SULT1B1: variants seen among roughly 807,000 people sequenced by gnomAD.
The protein encoded by SULT1B1 is sulfotransferase family 1B member 1.
A neutral mutation model predicts 34.6 loss-of-function variants in SULT1B1; 28 were observed. The ratio of observed to expected loss-of-function variants is 0.81; its 90% CI spans 0.60 to 1.11. The LOEUF (loss-of-function observed/expected upper bound fraction) is 1.11, where lower values mean the gene tolerates loss of function less well. SULT1B1 is among the 50% of genes least tolerant of loss of function. SULT1B1 has a pLI of 0.00. For synonymous variants in SULT1B1, 147 were observed against 110.2 expected (o/e 1.33, Z -2.09); for missense variants, 374 against 352.2 (o/e 1.06, Z -0.50).
In SULT1B1 at chr4:69,726,075, TATATATAA is replaced by T. The variant is rs1243753535; in HGVS notation, c.*1005_*1012del. 1.2e-4 allele frequency: 13 copies of T among 110,130 alleles called. No homozygotes were observed. The highest frequency in any genetic ancestry group is 4.4e-4 in the African/African-American group (12 of 26,998). The allele number at this position is 110,130 out of a possible 1,614,324, so 6.8% of individuals were successfully genotyped here. On this transcript the variant is annotated 3_prime_UTR_variant, in exon 8 of 8. Coordinates refer to ENST00000310613, the MANE Select transcript of SULT1B1 (RefSeq NM_014465.4). Reference sequence around the variant, plus strand: ...ATATATATATATATATATATATATATATATATAAATGTTCCAAGAAAACATAGATCAGA... The same window carrying T: ...ATATATATATATATATATATATATATATGTTCCAAGAAAACATAGATCAGA...
At chr4:69,741,947 C>A (rs930324913) in intron 4 of SULT1B1, among the ~76,000 whole-genome samples, 1 of 152,082 alleles carries the variant, frequency 6.6e-6, no homozygotes, top group Non-Finnish European at 1.5e-5. Context: ...AGTGGGCATC[C>A]TTGTTTTGTT....
At chr4:69,728,899 A>G (rs1156498474) in intron 7 of SULT1B1, among the ~76,000 whole-genome samples, 1 of 152,026 alleles carries the variant, frequency 6.6e-6, no homozygotes, top group Non-Finnish European at 1.5e-5. Context: ...CCTCAGATCA[A>G]TCTGACCACA....
At chr4:69,751,594 G>A (rs1335122462) in intron 3 of SULT1B1, among the ~76,000 whole-genome samples, 2 of 152,116 alleles carry the variant, frequency 1.3e-5, no homozygotes, top group African/African-American at 4.8e-5. Context: ...TGAGACTACC[G>A]GCGCCCGCCA....
chr4:69,753,330 T>C (rs1202379218), intron 3 of SULT1B1, among the ~76,000 whole-genome samples: 3 of 152,212 alleles, frequency 2.0e-5, no homozygotes, highest in Non-Finnish European at 2.9e-5. Flanking sequence ...GTCACAAATA[T>C]GTCTTATCTA....
chr4:69,749,701 A>G lies in SULT1B1; in HGVS notation c.375+20T>C, dbSNP rs1718899460. 6.4e-7 allele frequency: 1 copy of G among 1,573,624 alleles called. No individual in the cohort carries two copies. ...GGGATAGGGCCATACTAAAAAACTG[A>G]CATGGAGTCTGGAGTATACCTTGCA... is the stretch of plus-strand genomic sequence containing the variant. On this transcript the variant is annotated intron_variant, in intron 4 of 7. Transcript: ENST00000310613.
chr4:69,747,287 G>A (rs1228127923), intron 4 of SULT1B1, among the ~76,000 whole-genome samples: 2 of 152,200 alleles, frequency 1.3e-5, no homozygotes, highest in Non-Finnish European at 2.9e-5. Context: ...GCACTGGTGG[G>A]AGAAGACTGA....
At chr4:69,740,077 T>C (rs972863397) in intron 4 of SULT1B1, among the ~76,000 whole-genome samples, 3 of 152,196 alleles carry the variant, frequency 2.0e-5, no homozygotes, top group African/African-American at 7.2e-5. Flanking sequence ...TTCCAAACTT[T>C]CCCACATTTT....
intron 6 of SULT1B1, 135 bp downstream of exon 6, chr4:69,733,278 G>C (rs1718154405): frequency 3.7e-6 from 2 of 536,940 alleles, no homozygotes; most frequent in Non-Finnish European, 6.5e-6. Context: ...AGCAAGATTT[G>C]GGTAAAAACA....
intron 1 of SULT1B1, among the ~76,000 whole-genome samples, chr4:69,759,529 G>T (rs1719317173): frequency 6.6e-6 from 1 of 152,218 alleles, no homozygotes; most frequent in South Asian, 2.1e-4. Flanking sequence ...CCTCTGGGAA[G>T]TGGGTGTGTC....
intron 1 of SULT1B1, among the ~76,000 whole-genome samples, chr4:69,759,039 C>T (rs1188349917): frequency 6.6e-6 from 1 of 152,122 alleles, no homozygotes; most frequent in Non-Finnish European, 1.5e-5. Flanking sequence ...TTTAAACTAC[C>T]TTTAATTATC....
At chr4:69,754,863 A>T in intron 2 of SULT1B1, 65 bp from the exon 3 acceptor site, 1 of 1,543,824 alleles carries the variant, frequency 6.5e-7, no homozygotes, top group Non-Finnish European at 8.8e-7. Context: ...AGAAGAATTT[A>T]TTGGAAACAC....
intron 4 of SULT1B1, among the ~76,000 whole-genome samples, chr4:69,739,162 G>A (rs534974479): frequency 6.6e-6 from 1 of 152,274 alleles, no homozygotes; most frequent in East Asian, 1.9e-4. Context: ...CACTATTCTA[G>A]GGTCTGGGGG....
At chr4:69,748,526 G>C (rs751016287) in intron 4 of SULT1B1, among the ~76,000 whole-genome samples, 1 of 152,158 alleles carries the variant, frequency 6.6e-6, no homozygotes, top group Non-Finnish European at 1.5e-5. Flanking sequence ...TCAAGAGGAT[G>C]TAATAAAAAT....
chr4:69,758,174 T>A, intron 1 of SULT1B1: 1 of 359,510 alleles, frequency 2.8e-6, no homozygotes. Context: ...ATGTGGATGG[T>A]CAAGAAGTCA....
chr4:69,730,318 G>A (rs1378343065), intron 7 of SULT1B1, among the ~76,000 whole-genome samples, 183 bp downstream of exon 7: 1 of 152,108 alleles, frequency 6.6e-6, no homozygotes, highest in Non-Finnish European at 1.5e-5. Flanking sequence ...AGGTATTCTA[G>A]TAATAGCTTT....
At chr4:69,737,159 A>G (rs1453352075) in intron 4 of SULT1B1, among the ~76,000 whole-genome samples, 1 of 152,204 alleles carries the variant, frequency 6.6e-6, no homozygotes, top group African/African-American at 2.4e-5. Context: ...CAAGTTTCTC[A>G]TCTAAAACCA....
At chr4:69,731,392 C>A (rs190684146) in intron 6 of SULT1B1, among the ~76,000 whole-genome samples, 18 of 152,314 alleles carry the variant, frequency 1.2e-4, no homozygotes, top group African/African-American at 4.3e-4. Flanking sequence ...CCCCCTTGCA[C>A]CCTGTTCATG....
At chr4:69,753,224 GCAAGCGAATGGTTCCATAGTCCA>G (rs1320450923) in intron 3 of SULT1B1, among the ~76,000 whole-genome samples, 1 of 152,016 alleles carries the variant, frequency 6.6e-6, no homozygotes, top group East Asian at 1.9e-4. Context: ...ACTTTTCCTT[GCAAGCGAATGGTTCCATAGTCCA>G]CTTGCTTGAT....
At position 69,722,224 on chromosome 4, in the gene SULT1B1, T is replaced by A. The variant is rs1717681362; in HGVS notation, c.*4864A>T. 1 of 152,136 alleles carries A rather than the reference T, an allele frequency of 6.6e-6. No individual in the cohort carries two copies. Among genetic ancestry groups the A allele is most frequent in the South Asian group, 2.1e-4 (1 of 4,836 alleles). The allele number at this position is 152,136 out of a possible 1,614,324, so 9.4% of individuals were successfully genotyped here. ...AGGCATAATTACAACTTACTAAGTT[T>A]TCGTTGAATACAGTCCAATTACAGA... On this transcript the variant is annotated 3_prime_UTR_variant, in exon 8 of 8. Transcript: ENST00000310613.
Sources: allele counts gnomAD v4.1 joint callset (sites outside exome capture counted in the v4.1 genomes callset), GRCh38; gene constraint gnomAD v4.1.1; transcripts MANE v1.5; gene names NCBI Gene and HGNC (gene_info 2026-07-23, HGNC 2026-07-21).